Variants in CDADC1 observed in about 807,000 individuals in gnomAD.
CDADC1 encodes the protein dCTP deaminase.
Under a neutral mutation model 54.9 loss-of-function variants are expected in CDADC1, and 39 were observed. The ratio of observed to expected loss-of-function variants is 0.71; its 90% CI spans 0.55 to 0.93. The LOEUF (loss-of-function observed/expected upper bound fraction) is 0.93, where lower values mean the gene tolerates loss of function less well. Ranked by LOEUF, CDADC1 falls within the 40% of genes least tolerant of loss-of-function variation. The pLI, the probability that CDADC1 is intolerant of heterozygous loss-of-function variation, is 0.00. For synonymous variants in CDADC1, 186 were observed against 204.0 expected (o/e 0.91, Z 0.75); for missense variants, 518 against 618.8 (o/e 0.84, Z 1.73).
intron 7 of CDADC1, among the ~76,000 whole-genome samples, chr13:49,279,030 TG>T (rs1258153786): frequency 2.0e-5 from 3 of 152,174 alleles, no homozygotes; most frequent in Non-Finnish European, 4.4e-5. Context: ...CTTACCATTG[TG>T]TTACAATGGC....
intron 9 of CDADC1, among the ~76,000 whole-genome samples, chr13:49,290,052 A>T (rs1953653793): frequency 6.6e-6 from 1 of 152,058 alleles, no homozygotes; most frequent in African/African-American, 2.4e-5. Context: ...CCTGTCTCAA[A>T]AAATATATAA....
intron 9 of CDADC1, among the ~76,000 whole-genome samples, chr13:49,289,670 TA>T (rs1328143754): frequency 6.6e-6 from 1 of 152,196 alleles, no homozygotes; most frequent in Non-Finnish European, 1.5e-5. Context: ...CTTAGAAATA[TA>T]AATGTTGAAT....
chr13:49,255,900 C>T lies in CDADC1; in HGVS notation c.239C>T (p.Thr80Ile). 1.2e-6 allele frequency: 2 copies of T among 1,610,932 alleles called. No individual in the cohort carries two copies. The highest frequency in any genetic ancestry group is 1.7e-6 in the Non-Finnish European group (2 of 1,179,056). ...AATGAAGAGAGGACCAGAGTATCTACTGACAAAAGACAGGTAAATTTTTAT... is the reference window on the plus strand; with the variant it reads ...AATGAAGAGAGGACCAGAGTATCTATTGACAAAAGACAGGTAAATTTTTAT... ...GDNEERTRVS[T>I]DKRQVKRTGL... is the part of the protein sequence containing the mutation. Residue 80 changes from threonine (T) to isoleucine (I), a missense_variant, in exon 3 of 10, where the codon ACT becomes ATT. Coordinates refer to ENST00000251108, the MANE Select transcript of CDADC1 (RefSeq NM_030911.4).
At chr13:49,288,438 C>T (rs532530167) in intron 9 of CDADC1, among the ~76,000 whole-genome samples, 26 of 152,318 alleles carry the variant, frequency 1.7e-4, no homozygotes, top group African/African-American at 6.3e-4. Flanking sequence ...AGAAAGAAGT[C>T]TCATGCCTAT....
At chr13:49,284,369 A>C (rs971995239) in intron 8 of CDADC1, among the ~76,000 whole-genome samples, 1 of 152,236 alleles carries the variant, frequency 6.6e-6, no homozygotes, top group Non-Finnish European at 1.5e-5. Context: ...AGTTCTTTAA[A>C]AAATATTTTA....
chr13:49,281,626 G>A (rs1953338187), intron 8 of CDADC1, among the ~76,000 whole-genome samples: 1 of 152,098 alleles, frequency 6.6e-6, no homozygotes, highest in African/African-American at 2.4e-5. Context: ...GCTGCCGTGC[G>A]GCCCAGTTCC....
chr13:49,258,329 T>C (rs1436216072), intron 3 of CDADC1, among the ~76,000 whole-genome samples: 3 of 152,228 alleles, frequency 2.0e-5, no homozygotes, highest in Non-Finnish European at 4.4e-5. Context: ...GCTCCCCTCA[T>C]GTAACAGTCA....
chr13:49,277,947 T>G (rs1953195667), intron 6 of CDADC1, among the ~76,000 whole-genome samples: 1 of 152,218 alleles, frequency 6.6e-6, no homozygotes, highest in African/African-American at 2.4e-5. Context: ...AATCACTTGT[T>G]GAGTACCTGC....
intron 9 of CDADC1, among the ~76,000 whole-genome samples, chr13:49,287,500 A>G (rs79263718): frequency 2.7e-5 from 3 of 112,802 alleles, no homozygotes; most frequent in Admixed American, 9.4e-5. Flanking sequence ...CTATCTATCT[A>G]TCTATCTATC....
intron 2 of CDADC1, among the ~76,000 whole-genome samples, chr13:49,251,947 C>A (rs189730244): frequency 7.2e-5 from 11 of 152,268 alleles, no homozygotes; most frequent in African/African-American, 2.2e-4. Flanking sequence ...ATAAATAAGT[C>A]TTTTGTTTCA....
Position 49,292,047 on chromosome 13 carries a change from A to C in CDADC1, c.*290A>C. 1 of 1,123,328 alleles carries C rather than the reference A, an allele frequency of 8.9e-7. No homozygotes were observed. 69.6% of individuals were successfully genotyped at this position (1,123,328 alleles called of 1,614,324 possible). On this transcript the variant is annotated 3_prime_UTR_variant, in exon 10 of 10. Transcript: ENST00000251108. ...CAGGGACTGATTTCTATTTATCTTG[A>C]CTTTATATTAGCCAATTTGAAAGGG...
chr13:49,256,311 A>G (rs371750413), intron 3 of CDADC1, among the ~76,000 whole-genome samples: 2 of 152,174 alleles, frequency 1.3e-5, no homozygotes, highest in South Asian at 4.1e-4. Context: ...TTGAGGTAAT[A>G]TCTCCCTCCA....
chr13:49,292,757 A>G lies in CDADC1; in HGVS notation c.*1000A>G. Reference sequence around the variant, plus strand: ...AGAAAATTATTCCAAAAATGAAGGTACATTTTCTGTTCTCTCCTAGGTTAG... The same window carrying G: ...AGAAAATTATTCCAAAAATGAAGGTGCATTTTCTGTTCTCTCCTAGGTTAG... On this transcript the variant is annotated 3_prime_UTR_variant, in exon 10 of 10. Coordinates refer to ENST00000251108, the MANE Select transcript of CDADC1 (RefSeq NM_030911.4). 7.8e-7 allele frequency: 1 copy of G among 1,275,890 alleles called. No individual in the cohort carries two copies. Among genetic ancestry groups the G allele is most frequent in the South Asian group, 1.3e-5 (1 of 78,482 alleles). The allele number at this position is 1,275,890 out of a possible 1,614,324, so 79.0% of individuals were successfully genotyped here. A position where few individuals can be genotyped will look rare whatever the true frequency, so the allele number is the denominator to read the frequency against.
chr13:49,249,462 A>G (rs1001638195), intron 2 of CDADC1, among the ~76,000 whole-genome samples: 3 of 152,206 alleles, frequency 2.0e-5, no homozygotes, highest in African/African-American at 7.2e-5. Flanking sequence ...GGCTGTGTGC[A>G]GTGGCTCACG....
At chr13:49,288,348 C>T (rs757561635) in intron 9 of CDADC1, among the ~76,000 whole-genome samples, 1 of 152,140 alleles carries the variant, frequency 6.6e-6, no homozygotes, top group Non-Finnish European at 1.5e-5. Context: ...ATTCATCTAT[C>T]ATAAATTTGC....
chr13:49,258,072 ATGGT>A (rs1199561244), intron 3 of CDADC1, among the ~76,000 whole-genome samples: 2 of 152,182 alleles, frequency 1.3e-5, no homozygotes, highest in African/African-American at 4.8e-5. Context: ...AGTTTAGGAG[ATGGT>A]TGGTTAACTC....
In CDADC1 at chr13:49,292,806, A is replaced by G. The variant is rs1375958769; in HGVS notation, c.*1049A>G. 1 of 1,279,402 alleles carries G rather than the reference A, an allele frequency of 7.8e-7. No homozygotes were observed. Among genetic ancestry groups the G allele is most frequent in the South Asian group, 1.3e-5 (1 of 79,338 alleles). The allele number at this position is 1,279,402 out of a possible 1,614,324, so 79.3% of individuals were successfully genotyped here. On this transcript the variant is annotated 3_prime_UTR_variant, in exon 10 of 10. Transcript: ENST00000251108. Reference sequence around the variant, plus strand: ...AGAGAGGGGTGGCCTGGGGTGCTTCATGAGAAATGTCTTCCTGGATCTGCG... The same window carrying G: ...AGAGAGGGGTGGCCTGGGGTGCTTCGTGAGAAATGTCTTCCTGGATCTGCG...
chr13:49,290,222 T>C (rs577191179), intron 9 of CDADC1, among the ~76,000 whole-genome samples: 8 of 152,052 alleles, frequency 5.3e-5, no homozygotes, highest in African/African-American at 1.9e-4. Context: ...GATAATGTTC[T>C]AGTTGTTGGA....
chr13:49,277,745 GAAGT>G (rs1332502240), intron 6 of CDADC1, among the ~76,000 whole-genome samples: 2 of 152,062 alleles, frequency 1.3e-5, no homozygotes, highest in Non-Finnish European at 2.9e-5. Flanking sequence ...AAGAGCCATT[GAAGT>G]AAGAAGTTCT....
Sources: gnomAD v4.1 joint callset for allele counts (sites outside exome capture counted in the v4.1 genomes callset) on GRCh38, gnomAD v4.1.1 for gene constraint, MANE v1.5 for transcripts, NCBI Gene and HGNC (gene_info 2026-07-23, HGNC 2026-07-21) for gene names.